TBC1D1: variants seen among roughly 807,000 people sequenced by gnomAD.
TBC1D1 encodes the protein TBC1 domain family member 1.
TBC1D1 carries 89 observed loss-of-function variants against 125.6 expected under a neutral mutation model. That is an observed-to-expected ratio of 0.71 (90% CI 0.60 to 0.85). TBC1D1 has a LOEUF of 0.85. Among genes scored for constraint, TBC1D1 ranks in the 40% least tolerant of loss-of-function variants. The probability of loss-of-function intolerance (pLI) is 0.00; values close to 1 mark genes in which losing one functional copy is unlikely to be tolerated. For missense variants in TBC1D1, 1,377 were observed against 1,469.2 expected (o/e 0.94, Z 1.03); for synonymous variants, 565 against 564.1 (o/e 1.00, Z -0.02).
At chr4:37,983,952 A>G (rs147504941) in intron 2 of TBC1D1, among the ~76,000 whole-genome samples, 2 of 152,318 alleles carry the variant, frequency 1.3e-5, no homozygotes, top group East Asian at 1.9e-4. Context: ...TCTTCATACT[A>G]TTTATAGAGC....
intron 2 of TBC1D1, among the ~76,000 whole-genome samples, chr4:37,934,296 C>T (rs769886604): frequency 2.6e-5 from 4 of 152,174 alleles, no homozygotes; most frequent in Non-Finnish European, 4.4e-5. Context: ...GGGCATGGAC[C>T]GCCAAGGTGC....
intron 2 of TBC1D1, among the ~76,000 whole-genome samples, chr4:37,904,438 T>TTTGGACTCTATATC (rs1274009627): frequency 6.6e-6 from 1 of 152,238 alleles, no homozygotes; most frequent in Admixed American, 6.5e-5. Context: ...CAGCTCTATA[T>TTTGGACTCTATATC]AGTATTTGGA....
At chr4:37,911,475 A>T (rs1459503284) in intron 2 of TBC1D1, among the ~76,000 whole-genome samples, 1 of 152,154 alleles carries the variant, frequency 6.6e-6, no homozygotes, top group East Asian at 1.9e-4. Flanking sequence ...GAGGAGCCTG[A>T]TGCAGGATTT....
At chr4:38,130,935 G>A (rs1237336478) in intron 18 of TBC1D1, among the ~76,000 whole-genome samples, 2 of 152,168 alleles carry the variant, frequency 1.3e-5, no homozygotes, top group African/African-American at 2.4e-5. Flanking sequence ...AAGGACAGGC[G>A]CCCCTCCCAA....
intron 16 of TBC1D1, 127 bp downstream of exon 18, chr4:38,116,081 G>A (rs1578792640): frequency 9.8e-7 from 1 of 1,018,982 alleles, no homozygotes; most frequent in East Asian, 2.5e-5. Context: ...TGCTGATAAA[G>A]GACTCTGTGC....
At chr4:37,936,276 A>T (rs1724373487) in intron 2 of TBC1D1, among the ~76,000 whole-genome samples, 1 of 152,266 alleles carries the variant, frequency 6.6e-6, no homozygotes, top group African/African-American at 2.4e-5. Context: ...AAAATGGAAC[A>T]ATTATAACAA....
intron 15 of TBC1D1, among the ~76,000 whole-genome samples, chr4:38,106,931 G>A (rs1166826592): frequency 6.6e-6 from 1 of 152,102 alleles, no homozygotes; most frequent in Non-Finnish European, 1.5e-5. Context: ...AGGGCTGGCT[G>A]CATTCAAGTC....
At chr4:37,924,341 TC>T (rs1721638460) in intron 2 of TBC1D1, among the ~76,000 whole-genome samples, 1 of 152,220 alleles carries the variant, frequency 6.6e-6, no homozygotes, top group South Asian at 2.1e-4. Context: ...AGAAGAAATA[TC>T]TACCACTAAC....
chr4:38,100,642 A>T (rs1017753069), intron 14 of TBC1D1, among the ~76,000 whole-genome samples: 1 of 152,226 alleles, frequency 6.6e-6, no homozygotes, highest in East Asian at 1.9e-4. Context: ...TAATGCTGAG[A>T]TAAAATTACA....
chr4:38,037,851 T>C (rs552542248), intron 8 of TBC1D1, among the ~76,000 whole-genome samples: 3 of 152,198 alleles, frequency 2.0e-5, no homozygotes, highest in African/African-American at 7.2e-5. Flanking sequence ...AAACCCTGAA[T>C]GAGTCTTTTG....
chr4:38,049,851 A>G lies in TBC1D1; in HGVS notation c.1863A>G (p.Lys621=), dbSNP rs1750159164. 5 of 1,613,962 alleles carry G rather than the reference A, an allele frequency of 3.1e-6. No homozygotes were observed. The highest frequency in any genetic ancestry group is 1.6e-4 in the Middle Eastern group (1 of 6,084). Residue 621 remains lysine, a synonymous_variant, in exon 11 of 20, where the codon AAA becomes AAG. Transcript: ENST00000261439. ...GGTCCCCGGGGGTTTCGCAAAGGAA[A>G]CTTATGAGGTATCACTCAGTGAGCA...
intron 15 of TBC1D1, among the ~76,000 whole-genome samples, chr4:38,105,024 G>A (rs1355892167): frequency 2.6e-5 from 4 of 152,058 alleles, no homozygotes; most frequent in Non-Finnish European, 4.4e-5. Flanking sequence ...CAAAGTGCTG[G>A]GATTACAGGC....
chr4:37,954,637 C>G (rs1044863051), intron 2 of TBC1D1, among the ~76,000 whole-genome samples: 8 of 151,940 alleles, frequency 5.3e-5, no homozygotes, highest in African/African-American at 1.9e-4. Flanking sequence ...TGAGGTGATT[C>G]AAGTTAGAGA....
chr4:38,033,040 A>G (rs1192590935), intron 7 of TBC1D1, among the ~76,000 whole-genome samples: 1 of 152,174 alleles, frequency 6.6e-6, no homozygotes, highest in Non-Finnish European at 1.5e-5. Context: ...GATGTTTAAC[A>G]AGCTCCATGA....
intron 2 of TBC1D1, chr4:37,952,354 A>G (rs1728058771): frequency 4.7e-6 from 2 of 429,044 alleles, no homozygotes; most frequent in Non-Finnish European, 8.6e-6. Context: ...AATATAAATT[A>G]AAATCTCCAT....
intron 1 of TBC1D1, among the ~76,000 whole-genome samples, chr4:37,894,170 G>A (rs1237632239): frequency 6.6e-6 from 1 of 152,028 alleles, no homozygotes; most frequent in African/African-American, 2.4e-5. Context: ...TGTGTTTTTA[G>A]TAGAGGCGAG....
chr4:38,007,231 A>AT (rs546102191), intron 2 of TBC1D1: 1 of 152,110 alleles, frequency 6.6e-6, no homozygotes, highest in African/African-American at 2.4e-5. Flanking sequence ...TTTACTTTTT[A>AT]TTTTTTTATT....
At chr4:37,983,673 A>C (rs1317315253) in intron 2 of TBC1D1, among the ~76,000 whole-genome samples, 1 of 152,226 alleles carries the variant, frequency 6.6e-6, no homozygotes, top group Admixed American at 6.5e-5. Context: ...AACAGGGGAC[A>C]CATGCACAGC....
At chr4:38,097,666 C>T (rs1032661395) in intron 14 of TBC1D1, among the ~76,000 whole-genome samples, 8 of 151,618 alleles carry the variant, frequency 5.3e-5, no homozygotes, top group Admixed American at 3.3e-4. Flanking sequence ...TTACTAGAGA[C>T]GGGTTTTCAC....
Sources: allele counts gnomAD v4.1 joint callset (sites outside exome capture counted in the v4.1 genomes callset), GRCh38; gene constraint gnomAD v4.1.1; transcripts MANE v1.5; gene names NCBI Gene and HGNC (gene_info 2026-07-23, HGNC 2026-07-21).